ANK2: variants seen among roughly 807,000 people sequenced by gnomAD.
The protein encoded by ANK2 is ankyrin-2.
A neutral mutation model predicts 360.5 loss-of-function variants in ANK2; 83 were observed. The ratio of observed to expected loss-of-function variants is 0.23; its 90% CI spans 0.19 to 0.28. The LOEUF is 0.28. Among genes scored for constraint, ANK2 ranks in the 10% least tolerant of loss-of-function variants. ANK2 has a pLI of 1.00. For missense variants in ANK2, 4,201 were observed against 4,795.7 expected, an observed-to-expected ratio of 0.88 and a Z score of 3.66; for synonymous variants, 1,740 against 1,759.5, an observed-to-expected ratio of 0.99 and a Z score of 0.28.
chr4:112,972,477 C>A (rs576365527), intron 2 of ANK2, among the ~76,000 whole-genome samples: 4 of 152,166 alleles, frequency 2.6e-5, no homozygotes, highest in Admixed American at 6.5e-5. Context: ...GTCAGGTAGA[C>A]TGAAGTTTAG....
chr4:112,870,623 A>C (rs1003719722), intron 1 of ANK2, among the ~76,000 whole-genome samples: 1 of 152,254 alleles, frequency 6.6e-6, no homozygotes, highest in Non-Finnish European at 1.5e-5. Flanking sequence ...CCATAGACAC[A>C]TGAGTTTATT....
chr4:112,823,206 A>G (rs2057603593), intron 1 of ANK2, among the ~76,000 whole-genome samples: 1 of 152,202 alleles, frequency 6.6e-6, no homozygotes, highest in Admixed American at 6.5e-5. Context: ...TATATCCTGG[A>G]TATGCAATAG....
At chr4:113,229,601 A>G (rs1390084766) in intron 4 of ANK2, among the ~76,000 whole-genome samples, 1 of 152,184 alleles carries the variant, frequency 6.6e-6, no homozygotes, top group Non-Finnish European at 1.5e-5. Context: ...ACTTGAGAGG[A>G]TGAACCCAAG....
intron 1 of ANK2, among the ~76,000 whole-genome samples, chr4:112,876,399 T>C (rs1350837396): frequency 6.6e-6 from 1 of 152,080 alleles, no homozygotes; most frequent in Non-Finnish European, 1.5e-5. Context: ...CAAAATAGGA[T>C]AAATTAGGGT....
chr4:113,260,288 T>C (rs1036725040), intron 13 of ANK2, among the ~76,000 whole-genome samples: 2 of 152,210 alleles, frequency 1.3e-5, no homozygotes, highest in African/African-American at 4.8e-5. Context: ...TATTTTCAAA[T>C]AAAAATAAAA....
chr4:112,826,794 C>T (rs777442750), intron 1 of ANK2: 11 of 1,058,980 alleles, frequency 1.0e-5, no homozygotes, highest in Non-Finnish European at 1.3e-5. Context: ...AATTCTGTTG[C>T]TTCAAGCATC....
Position 113,359,282 on chromosome 4 carries a change from G to T in ANK2, c.10664G>T (p.Gly3555Val). Reference sequence around the variant, plus strand: ...ATTGAACGCATCCCTGATGAAAATGGCCATGACCATGCTGAAGGTATTTGC... The same window carrying T: ...ATTGAACGCATCCCTGATGAAAATGTCCATGACCATGCTGAAGGTATTTGC... ...TLIERIPDEN[G>V]HDHAEDPQDE... Residue 3555 changes from glycine (G) to valine (V), a missense_variant, in exon 38 of 46, where the codon GGC becomes GTC. Coordinates refer to ENST00000357077, the MANE Select transcript of ANK2 (RefSeq NM_001148.6). 6.2e-7 allele frequency: 1 copy of T among 1,613,786 alleles called. No individual in the cohort carries two copies. The highest frequency in any genetic ancestry group is 8.5e-7 in the Non-Finnish European group (1 of 1,179,856).
At chr4:112,861,400 C>A (rs570550743) in intron 1 of ANK2, among the ~76,000 whole-genome samples, 1 of 152,246 alleles carries the variant, frequency 6.6e-6, no homozygotes, top group African/African-American at 2.4e-5. Context: ...CTATATTTTC[C>A]GTTGAGACTC....
the ANK2 span, among the ~76,000 whole-genome samples, chr4:112,787,042 C>A: frequency 2.0e-5 from 3 of 152,146 alleles, no homozygotes; most frequent in African/African-American, 7.2e-5. Context: ...AGCCATCACA[C>A]CTGGCCAAAA....
chr4:113,175,661 A>G (rs2098167680), intron 2 of ANK2, among the ~76,000 whole-genome samples: 1 of 152,230 alleles, frequency 6.6e-6, no homozygotes, highest in African/African-American at 2.4e-5. Flanking sequence ...TAAAATAAAA[A>G]TAAGATTACA....
rs1265740019 is a variant in ANK2, at chr4:113,258,394, C to A, written c.1369C>A (p.Pro457Thr). 1.2e-6 allele frequency: 2 copies of A among 1,613,886 alleles called. No individual in the cohort carries two copies. The highest frequency in any genetic ancestry group is 1.7e-6 in the Non-Finnish European group (2 of 1,179,806). Residue 457 changes from proline to threonine, a missense_variant, in exon 13 of 46, where the codon CCA becomes ACA. By Grantham distance (38) the Pro-to-Thr change is conservative. Around this residue, in one of 4 missense-constraint regions of ANK2, gnomAD observed 1,268 missense variants for 1,650.8 expected, o/e 0.77. Transcript: ENST00000357077. ...CCTTCTGCTGCAGAACGGAGCCTCTCCAGATGTCACTAACATTGTGAGTAT... is the reference window on the plus strand; with the variant it reads ...CCTTCTGCTGCAGAACGGAGCCTCTACAGATGTCACTAACATTGTGAGTAT... ...VLLLLQNGAS[P>T]DVTNIRGETA... is the part of the protein sequence containing the mutation.
chr4:112,984,930 A>G (rs1400371270), intron 2 of ANK2, among the ~76,000 whole-genome samples: 1 of 152,182 alleles, frequency 6.6e-6, no homozygotes, highest in African/African-American at 2.4e-5. Context: ...GTATGGCTTG[A>G]GTTCCCCTCC....
At chr4:112,842,633 A>G (rs551986348) in intron 1 of ANK2, among the ~76,000 whole-genome samples, 4 of 152,248 alleles carry the variant, frequency 2.6e-5, no homozygotes, top group East Asian at 1.9e-4. Flanking sequence ...TCGTGCTCCT[A>G]TGAGAATCTA....
intron 1 of ANK2, among the ~76,000 whole-genome samples, chr4:113,057,927 T>C (rs867083611): frequency 1.3e-5 from 2 of 152,286 alleles, no homozygotes; most frequent in African/African-American, 4.8e-5. Context: ...GTTATGCTAG[T>C]ATAACATTAC....
chr4:112,739,707 C>T, the ANK2 span, among the ~76,000 whole-genome samples: 2 of 152,156 alleles, frequency 1.3e-5, no homozygotes, highest in Non-Finnish European at 2.9e-5. Flanking sequence ...CAATTTCCTC[C>T]TTGCTCCCCT....
intron 2 of ANK2, among the ~76,000 whole-genome samples, chr4:112,993,544 G>A (rs1298805491): frequency 6.6e-6 from 1 of 151,844 alleles, no homozygotes; most frequent in Non-Finnish European, 1.5e-5. Flanking sequence ...CTGACCCCAT[G>A]ATCCACCCGC....
intron 1 of ANK2, among the ~76,000 whole-genome samples, chr4:113,138,042 C>T (rs2096502733): frequency 6.6e-6 from 1 of 152,142 alleles, no homozygotes; most frequent in South Asian, 2.1e-4. Context: ...GAAAATAATT[C>T]TCCCATTTTC....
intron 1 of ANK2, among the ~76,000 whole-genome samples, chr4:113,111,589 G>A (rs766591022): frequency 8.5e-5 from 13 of 152,208 alleles, no homozygotes; most frequent in Non-Finnish European, 1.3e-4. Context: ...AAAAGGGGAA[G>A]TTATATGTGT....
chr4:112,749,086 GAC>G, the ANK2 span, among the ~76,000 whole-genome samples: 1 of 151,976 alleles, frequency 6.6e-6, no homozygotes, highest in Non-Finnish European at 1.5e-5. Flanking sequence ...TATTAGTAGA[GAC>G]AGGGTTTGGC....
Sources: gnomAD v4.1 joint callset for allele counts (sites outside exome capture counted in the v4.1 genomes callset) on GRCh38, gnomAD v4.1.1 for gene constraint, gnomAD v4.1.1 regional missense constraint, MANE v1.5 for transcripts, NCBI Gene and HGNC (gene_info 2026-07-23, HGNC 2026-07-21) for gene names.